The following SAP130 variants were observed in gnomAD, a reference collection of about 807,000 sequenced individuals.
SAP130 encodes the protein Sin3A associated protein 130.
A neutral mutation model predicts 103.2 loss-of-function variants in SAP130; 16 were observed. The observed-to-expected ratio is 0.16, with a 90% CI of 0.10 to 0.24. The LOEUF is 0.24. Among genes scored for constraint, SAP130 ranks in the 10% least tolerant of loss-of-function variants. The probability of loss-of-function intolerance (pLI) is 1.00; values close to 1 mark genes in which losing one functional copy is unlikely to be tolerated. For missense variants in SAP130, 990 were observed against 1,359.7 expected, an observed-to-expected ratio of 0.73 and a Z score of 4.28; for synonymous variants, 477 against 497.0, an observed-to-expected ratio of 0.96 and a Z score of 0.53.
chr2:127,989,540 T>C lies in SAP130; in HGVS notation c.1780+24A>G, dbSNP rs1682640413. ...ATGTATTTCTTTTCTCCAAACCACC[T>C]TCTATGCAAAAATTTAAAATTACCT... On this transcript the variant is annotated intron_variant, in intron 13 of 20. Coordinates refer to ENST00000643581, the MANE Select transcript of SAP130 (RefSeq NM_001330301.2). The surrounding 1 kb of genome is among the most constrained non-coding windows in gnomAD (Gnocchi z 4.6). 2 of 1,583,204 alleles carry C rather than the reference T, an allele frequency of 1.3e-6. No individual in the cohort carries two copies. The highest frequency in any genetic ancestry group is 3.6e-5 in the Admixed American group (2 of 55,862).
chr2:127,996,420 T>A lies in SAP130; in HGVS notation c.1285A>T (p.Ser429Cys). Residue 429 changes from serine (S) to cysteine (C), a missense_variant, in exon 11 of 21, where the codon AGC (serine) becomes TGC (cysteine). Around this residue, in one of 6 missense-constraint regions of SAP130, gnomAD observed 336 missense variants for 520.1 expected, o/e 0.65. Transcript: ENST00000643581. The surrounding 1 kb of genome is among the most constrained non-coding windows in gnomAD (Gnocchi z 4.3). Reference protein sequence around the residue: ...IQPDYPAERSSLIPISGHRAS... With the variant: ...IQPDYPAERSCLIPISGHRAS... ...CGATGTCCGGAGATGGGAATCAGGC[T>A]ACTCCTCTCGGCAGGGTAGTCTGGC... 1 of 1,610,878 alleles carries A rather than the reference T, an allele frequency of 6.2e-7. No homozygotes were observed. The highest frequency in any genetic ancestry group is 8.5e-7 in the Non-Finnish European group (1 of 1,178,600).
chr2:127,983,990 C>T (rs1256987009), intron 14 of SAP130, among the ~76,000 whole-genome samples: 2 of 151,410 alleles, frequency 1.3e-5, no homozygotes, highest in Non-Finnish European at 2.9e-5. Flanking sequence ...TTTGTAATCC[C>T]TGTTCCTTTT....
chr2:128,023,872 T>C (rs1685317671), intron 2 of SAP130, among the ~76,000 whole-genome samples: 1 of 152,234 alleles, frequency 6.6e-6, no homozygotes, highest in South Asian at 2.1e-4. Context: ...TTCTAGATTC[T>C]CTACCTGAGT....
intron 6 of SAP130, among the ~76,000 whole-genome samples, chr2:128,011,290 T>G (rs904188542): frequency 4.6e-5 from 7 of 152,354 alleles, no homozygotes; most frequent in African/African-American, 1.4e-4. Context: ...ATGGACAGAG[T>G]GCCCTTATCA....
At chr2:128,008,540 T>C (rs559166244) in intron 7 of SAP130, among the ~76,000 whole-genome samples, 2 of 151,908 alleles carry the variant, frequency 1.3e-5, no homozygotes, top group East Asian at 3.9e-4. Flanking sequence ...TTTTTTTTTT[T>C]TTTTTTAATT....
chr2:127,999,879 A>C, intron 9 of SAP130, 34 bp from the exon 10 acceptor site: 1 of 1,475,000 alleles, frequency 6.8e-7, no homozygotes, highest in East Asian at 2.3e-5. Context: ...TTCTTTAACA[A>C]GAACTTCTCT....
intron 4 of SAP130, among the ~76,000 whole-genome samples, chr2:128,015,657 T>C (rs1684717721): frequency 6.6e-6 from 1 of 152,092 alleles, no homozygotes; most frequent in Non-Finnish European, 1.5e-5. Flanking sequence ...TGTTCGCAAC[T>C]AAGGCTGGGT....
intron 15 of SAP130, among the ~76,000 whole-genome samples, chr2:127,963,367 C>T (rs1227391342): frequency 6.6e-6 from 1 of 152,080 alleles, no homozygotes; most frequent in Non-Finnish European, 1.5e-5. Context: ...GTAGCCAGGA[C>T]CACAGGTGCG....
rs374403375 is a variant in SAP130, at chr2:128,018,122, A to G, written c.113-207T>C. On this transcript the variant is annotated intron_variant, in intron 2 of 20. Transcript: ENST00000643581. ...GCCACAACTGTGGAATATAGAATTT[A>G]TTCTGGATATTGTAGCCTTATGAAC... is the stretch of plus-strand genomic sequence containing the variant. 6.1e-4 allele frequency among the ~76,000 whole-genome samples: 93 copies of G among 152,282 alleles called. 4 individuals are homozygous for G. The South Asian group carries it at 0.019, about 31-fold the overall frequency.
chr2:127,941,411 G>A lies in SAP130; in HGVS notation c.*595C>T, dbSNP rs545785173. ...CAGTTCTGACACACGCAAGACAGACGATATAACAATTTCACTTGGGAATGG... is the reference window on the plus strand; with the variant it reads ...CAGTTCTGACACACGCAAGACAGACAATATAACAATTTCACTTGGGAATGG... On this transcript the variant is annotated 3_prime_UTR_variant, in exon 21 of 21. Coordinates refer to ENST00000643581, the MANE Select transcript of SAP130 (RefSeq NM_001330301.2). 6.6e-6 allele frequency: 1 copy of A among 152,382 alleles called. No homozygotes were observed. Among genetic ancestry groups the A allele is most frequent in the African/African-American group, 2.4e-5 (1 of 41,518 alleles). 9.4% of individuals were successfully genotyped at this position (152,382 alleles called of 1,614,324 possible). A position where few individuals can be genotyped will look rare whatever the true frequency, so the allele number is the denominator to read the frequency against.
intron 18 of SAP130, among the ~76,000 whole-genome samples, chr2:127,948,472 T>C (rs931278094): frequency 1.3e-5 from 2 of 151,776 alleles, no homozygotes; most frequent in African/African-American, 4.8e-5. Flanking sequence ...CCTGAGTAGC[T>C]GGGATTACAG....
chr2:128,003,121 G>A (rs76524770), intron 7 of SAP130, among the ~76,000 whole-genome samples: 12,584 of 150,674 alleles, frequency 0.084, 975 homozygotes, highest in African/African-American at 0.21. Flanking sequence ...ACATGAGAGG[G>A]TCTCAAAAAA....
chr2:127,989,964 T>C lies in SAP130; in HGVS notation c.1478-98A>G. 1 of 1,084,930 alleles carries C rather than the reference T, an allele frequency of 9.2e-7. No individual in the cohort carries two copies. Among genetic ancestry groups the C allele is most frequent in the South Asian group, 1.6e-5 (1 of 61,716 alleles). 67.2% of individuals were successfully genotyped at this position (1,084,930 alleles called of 1,614,324 possible). A position where few individuals can be genotyped will look rare whatever the true frequency, so the allele number is the denominator to read the frequency against. On this transcript the variant is annotated intron_variant, in intron 12 of 20. Transcript: ENST00000643581. The surrounding 1 kb of genome is among the most constrained non-coding windows in gnomAD (Gnocchi z 4.6). ...CTAAAAACGGATTTCCTCCACTGTA[T>C]AAGATCTAAATCCATGGTTTGAAAA...
At chr2:127,992,875 A>G (rs1325830596) in intron 12 of SAP130, among the ~76,000 whole-genome samples, 1 of 152,220 alleles carries the variant, frequency 6.6e-6, no homozygotes, top group Non-Finnish European at 1.5e-5. Context: ...CAAGATTTGC[A>G]TAAAACAATG....
chr2:128,000,549 T>C lies in SAP130; in HGVS notation c.870-95A>G, dbSNP rs1290506696. The C allele has an allele frequency of 3.5e-6, 5 of 1,420,488 alleles. No homozygotes were observed. The African/African-American group carries it at 4.2e-5, about 12-fold the overall frequency. The allele number at this position is 1,420,488 out of a possible 1,614,324, so 88.0% of individuals were successfully genotyped here. A position where few individuals can be genotyped will look rare whatever the true frequency, so the allele number is the denominator to read the frequency against. ...CAAGTTATACTTTTTCATAGGTCTA[T>C]GAAGTTCGGAGTTAAACCAATACTT... On this transcript the variant is annotated intron_variant, in intron 7 of 20. Coordinates refer to ENST00000643581, the MANE Select transcript of SAP130 (RefSeq NM_001330301.2).
intron 14 of SAP130, among the ~76,000 whole-genome samples, chr2:127,985,314 A>T (rs921169156): frequency 5.3e-5 from 8 of 152,240 alleles, no homozygotes; most frequent in Non-Finnish European, 1.2e-4. Context: ...CATAAACAGC[A>T]AAGATAGGGA....
chr2:127,993,394 T>C (rs1450375472), intron 11 of SAP130, 86 bp from the exon 12 acceptor site: 3 of 1,419,622 alleles, frequency 2.1e-6, no homozygotes, highest in South Asian at 2.9e-5. Flanking sequence ...CCTCTTTGTG[T>C]CCTTCAGAAC....
rs146397339 is a variant in SAP130 at position 128,010,292 on chromosome 2, C to A, written c.846G>T (p.Ala282=). The change falls in exon 7 of 21, where the codon GCG becomes GCT. Residue 282 remains alanine (A), a synonymous_variant. Transcript: ENST00000643581. ...AQSPVITTTA[A]HATDSALSRP... ...ACCTAAGTGCTGAATCAGTAGCATG[C>A]GCCGCTGTCGTAGTGATGACTGGAG... 5.0e-6 allele frequency: 8 copies of A among 1,613,776 alleles called. No individual in the cohort carries two copies. The highest frequency in any genetic ancestry group is 6.8e-6 in the Non-Finnish European group (8 of 1,179,896).
chr2:127,960,958 A>G (rs1211748814), intron 15 of SAP130, among the ~76,000 whole-genome samples: 5 of 151,950 alleles, frequency 3.3e-5, no homozygotes, highest in African/African-American at 1.2e-4. Flanking sequence ...TGAATGAGAC[A>G]TAAGCAAATA....
Sources: gnomAD v4.1 joint callset for allele counts (sites outside exome capture counted in the v4.1 genomes callset) on GRCh38, gnomAD v4.1.1 for gene constraint, gnomAD v4.1.1 regional missense constraint, Gnocchi (gnomAD v3.1) non-coding constraint, MANE v1.5 for transcripts, NCBI Gene and HGNC (gene_info 2026-07-23, HGNC 2026-07-21) for gene names.